The following DMBT1 variants were observed in gnomAD, a reference collection of about 807,000 sequenced individuals.
The protein encoded by DMBT1 is scavenger receptor cysteine-rich domain-containing protein DMBT1.
In DMBT1, 198 loss-of-function variants were observed where a neutral mutation model predicts 252.9. The ratio of observed to expected loss-of-function variants is 0.78; its 90% CI spans 0.70 to 0.88. DMBT1 has a LOEUF of 0.88. DMBT1 is among the 40% of genes least tolerant of loss of function. DMBT1 has a pLI of 0.00. For synonymous variants in DMBT1, 990 were observed against 942.7 expected, an observed-to-expected ratio of 1.05 and a Z score of -0.92; for missense variants, 2,432 against 2,404.7, an observed-to-expected ratio of 1.01 and a Z score of -0.24.
At chr10:122,620,949 C>T in intron 43 of DMBT1, 108 bp from the exon 44 acceptor site, 1 of 1,555,604 alleles carries the variant, frequency 6.4e-7, no homozygotes, top group Non-Finnish European at 8.7e-7. Flanking sequence ...AAGGTGATTA[C>T]CTGCACACGT....
At chr10:122,573,573 G>T in intron 5 of DMBT1, 142 bp from the exon 6 acceptor site, 2 of 1,018,316 alleles carry the variant, frequency 2.0e-6, no homozygotes, top group South Asian at 1.4e-5. Flanking sequence ...CAAAGCGATT[G>T]GCACATGGTT....
chr10:122,573,707 C>A lies in DMBT1; in HGVS notation c.236-8C>A, dbSNP rs540634398. The A allele has an allele frequency of 1.2e-6, 2 of 1,613,934 alleles. No individual in the cohort carries two copies. The highest frequency in any genetic ancestry group is 1.7e-6 in the Non-Finnish European group (2 of 1,179,838). On this transcript the variant is annotated splice_region_variant and splice_polypyrimidine_tract_variant and intron_variant, in intron 5 of 55. Transcript: ENST00000338354. ...GATCAATGAGCTCTTCCTTTCTCCA[C>A]CCTGCAGGTTCTCTGATTCCCTCAG...
intron 9 of DMBT1, among the ~76,000 whole-genome samples, chr10:122,579,251 C>A (rs1175430102): frequency 6.6e-6 from 1 of 152,110 alleles, no homozygotes; most frequent in African/African-American, 2.4e-5. Context: ...TAGGACCATG[C>A]TCCTGAATAA....
Position 122,618,360 on chromosome 10 carries a change from G to C in DMBT1, c.5215+20G>C. 3 of 1,613,774 alleles carry C rather than the reference G, an allele frequency of 1.9e-6. No individual in the cohort carries two copies. The highest frequency in any genetic ancestry group is 2.5e-6 in the Non-Finnish European group (3 of 1,179,750). Reference sequence around the variant, plus strand: ...GCTCAGGTGGGCTTTCAAGACCTTGGGCTCCCTCTCTTAAGTTGAAGTTTG... The same window carrying C: ...GCTCAGGTGGGCTTTCAAGACCTTGCGCTCCCTCTCTTAAGTTGAAGTTTG... On this transcript the variant is annotated intron_variant, in intron 41 of 55. Coordinates refer to ENST00000338354, the MANE Select transcript of DMBT1 (RefSeq NM_001377530.1).
chr10:122,586,380 T>G lies in DMBT1; in HGVS notation c.1780T>G (p.Ser594Ala), dbSNP rs1346468921. 1.3e-6 allele frequency: 2 copies of G among 1,588,380 alleles called. No individual in the cohort carries two copies. The highest frequency in any genetic ancestry group is 1.7e-6 in the Non-Finnish European group (2 of 1,165,742). Residue 594 changes from serine to alanine, a missense_variant, in exon 16 of 56, where the codon TCA becomes GCA. Ser to Ala is a moderately conservative substitution (Grantham distance 99). Transcript: ENST00000338354. ...TAGTGAAGACGCTGGTGTCATCTGC[T>G]CAGGTGGGCCTCCAAGACTTTTGGT... Reference protein sequence around the residue: ...GHSEDAGVICSGPESSLALRL... With the variant: ...GHSEDAGVICAGPESSLALRL...
In DMBT1 at chr10:122,588,849, CTT is replaced by C. The variant is rs1238155545; in HGVS notation, c.1784-93_1784-92del. ...TAATCGTGACTGCCTGCCCAGGTGACTTTGGCCATTAGGAAGTGCCCTGAGTG... is the reference window on the plus strand; with the variant it reads ...TAATCGTGACTGCCTGCCCAGGTGACTGGCCATTAGGAAGTGCCCTGAGTG... On this transcript the variant is annotated intron_variant, in intron 16 of 55. Transcript: ENST00000338354. 14 of 1,561,762 alleles carry C rather than the reference CTT, an allele frequency of 9.0e-6. 2 individuals are homozygous for C. The highest frequency in any genetic ancestry group is 9.6e-6 in the Non-Finnish European group (11 of 1,150,484).
intron 41 of DMBT1, among the ~76,000 whole-genome samples, chr10:122,618,664 A>G (rs1269457841): frequency 6.6e-6 from 1 of 152,212 alleles, no homozygotes; most frequent in Non-Finnish European, 1.5e-5. Context: ...GGTTGAGGGT[A>G]TCGTGGACAC....
intron 45 of DMBT1, among the ~76,000 whole-genome samples, 189 bp from the exon 46 acceptor site, chr10:122,625,743 TG>T (rs1245717429): frequency 3.3e-5 from 5 of 152,238 alleles, no homozygotes; most frequent in Non-Finnish European, 7.3e-5. Context: ...GAAAATATCC[TG>T]GGCCAAATAT....
At chr10:122,639,126 T>C (rs1591617519) in intron 54 of DMBT1, among the ~76,000 whole-genome samples, 4 of 152,368 alleles carry the variant, frequency 2.6e-5, no homozygotes, top group Admixed American at 2.6e-4. Flanking sequence ...TTAGAACTGC[T>C]TCTTCTGACC....
At chr10:122,566,201 TCTC>T (rs1472870704) in intron 2 of DMBT1, among the ~76,000 whole-genome samples, 1 of 152,232 alleles carries the variant, frequency 6.6e-6, no homozygotes, top group African/African-American at 2.4e-5. Context: ...CAGCTGTCAT[TCTC>T]CTTCCTCTTG....
chr10:122,590,786 G>A, intron 18 of DMBT1, 92 bp downstream of exon 18: 3 of 1,442,178 alleles, frequency 2.1e-6, no homozygotes, highest in Non-Finnish European at 9.6e-7. Flanking sequence ...TCTTACCTGT[G>A]TGGATACTGT....
intron 16 of DMBT1, among the ~76,000 whole-genome samples, chr10:122,587,163 A>G (rs1266747850): frequency 2.0e-5 from 3 of 148,136 alleles, no homozygotes; most frequent in Admixed American, 2.0e-4. Context: ...CCAGGGTTCC[A>G]CCTTTCCCCT....
chr10:122,585,459 C>T, intron 15 of DMBT1, 150 bp downstream of exon 15: 1 of 1,094,360 alleles, frequency 9.1e-7, no homozygotes, highest in South Asian at 1.7e-5. Flanking sequence ...TCTCTGGGGA[C>T]CCAGCTGTGG....
Position 122,576,659 on chromosome 10 carries a change from C to T in DMBT1, c.544C>T (p.Pro182Ser). The stretch of plus-strand genomic sequence containing the variant: ...ACACGAATCCTACCTGTGGAGCTGC[C>T]CCCACAATGGCTGGCTCTCCCATAA... The part of the protein sequence containing the change: ...SGHESYLWSC[P>S]HNGWLSHNCG... Residue 182 changes from proline (P) to serine (S), a missense_variant, in exon 7 of 56, where the codon CCC becomes TCC. By Grantham distance (74) the Pro-to-Ser change is moderately conservative (BLOSUM62 -1). Around this residue, in one of 3 missense-constraint regions of DMBT1, gnomAD observed 1,264 missense variants for 1,082.2 expected, o/e 1.17. Transcript: ENST00000338354. The T allele has an allele frequency of 6.2e-7, 1 of 1,613,782 alleles. No homozygotes were observed. The highest frequency in any genetic ancestry group is 8.5e-7 in the Non-Finnish European group (1 of 1,179,722).
rs1393901830 is a variant in DMBT1, at chr10:122,637,293, G to A, written c.6923G>A (p.Gly2308Asp). 1 of 1,611,082 alleles carries A rather than the reference G, an allele frequency of 6.2e-7. No homozygotes were observed. ...GTGATATTCACAATTCCCTACTCAG[G>A]CTGCGGCACCTTCAAGCAGGTAAGC... ...NLVIFTIPYS[G>D]CGTFKQADND... Residue 2308 changes from glycine to aspartate, a missense_variant, in exon 54 of 56, where the codon GGC (glycine) becomes GAC (aspartate). Transcript: ENST00000338354.
intron 1 of DMBT1, among the ~76,000 whole-genome samples, chr10:122,562,711 T>G (rs182321569): frequency 2.0e-3 from 309 of 152,330 alleles, no homozygotes; most frequent in African/African-American, 6.8e-3. Flanking sequence ...GCCCATGATG[T>G]TATGTGCATG....
intron 2 of DMBT1, among the ~76,000 whole-genome samples, chr10:122,569,910 T>C (rs1201110381): frequency 6.6e-6 from 1 of 152,174 alleles, no homozygotes; most frequent in Non-Finnish European, 1.5e-5. Flanking sequence ...ACTTGGTGAT[T>C]TTTTGAATAC....
In DMBT1 at chr10:122,640,189, C is replaced by T; in HGVS notation, c.7092C>T (p.Thr2364=). 1 of 1,614,062 alleles carries T rather than the reference C, an allele frequency of 6.2e-7. No individual in the cohort carries two copies. The highest frequency in any genetic ancestry group is 8.5e-7 in the Non-Finnish European group (1 of 1,179,896). Residue 2364 remains threonine, a synonymous_variant, in exon 55 of 56, where the codon ACC becomes ACT. Coordinates refer to ENST00000338354, the MANE Select transcript of DMBT1 (RefSeq NM_001377530.1). ...WVDTMYIAND[T]IHVANNTIQV... ...ACACCATGTACATTGCTAATGACAC[C>T]ATCCACGTTGCTAATAACACCATCC...
At chr10:122,616,931 T>C (rs2097990097) in intron 39 of DMBT1, among the ~76,000 whole-genome samples, 1 of 115,196 alleles carries the variant, frequency 8.7e-6, no homozygotes, top group Admixed American at 9.3e-5. Flanking sequence ...TGGCATCTGA[T>C]GTCCTAGTCA....
Sources: gnomAD v4.1 joint callset for allele counts (sites outside exome capture counted in the v4.1 genomes callset) on GRCh38, gnomAD v4.1.1 for gene constraint, gnomAD v4.1.1 regional missense constraint, MANE v1.5 for transcripts, NCBI Gene and HGNC (gene_info 2026-07-23, HGNC 2026-07-21) for gene names.